The following ENPP3 variants were observed in gnomAD, a reference collection of about 807,000 sequenced individuals.
ENPP3 encodes the protein ectonucleotide pyrophosphatase/phosphodiesterase family member 3.
A neutral mutation model predicts 117.8 loss-of-function variants in ENPP3; 104 were observed. The observed-to-expected ratio is 0.88, with a 90% CI of 0.75 to 1.04. The LOEUF is 1.04. Among genes scored for constraint, ENPP3 ranks in the 50% least tolerant of loss-of-function variants. The pLI, the probability that ENPP3 is intolerant of heterozygous loss-of-function variation, is 0.00. For synonymous variants in ENPP3, 380 were observed against 349.9 expected (o/e 1.09, Z -0.96); for missense variants, 1,026 against 1,051.9 (o/e 0.98, Z 0.34).
At chr6:131,669,613 G>A (rs573801826) in intron 6 of ENPP3, among the ~76,000 whole-genome samples, 20 of 130,218 alleles carry the variant, frequency 1.5e-4, no homozygotes, top group Non-Finnish European at 2.9e-4. Context: ...CCGAGATCAC[G>A]CCACTGCACT....
rs183482252 is a variant in ENPP3 at position 131,731,007 on chromosome 6, C to T, written c.1954-2581C>T. Reference sequence around the variant, plus strand: ...TCCCATCTCTTTGTCTTTAATTCCACCTTTTGAGTCACGTCTGCAACTTCA... The same window carrying T: ...TCCCATCTCTTTGTCTTTAATTCCATCTTTTGAGTCACGTCTGCAACTTCA... On this transcript the variant is annotated intron_variant, in intron 20 of 24. Coordinates refer to ENST00000357639, the MANE Select transcript of ENPP3 (RefSeq NM_005021.5). Among the ~76,000 whole-genome samples, 140 of 151,950 alleles carry T rather than the reference C, an allele frequency of 9.2e-4. 1 individual carries two copies. Among genetic ancestry groups the T allele is most frequent in the Admixed American group, 7.9e-4 (12 of 15,270 alleles).
At chr6:131,719,291 G>A (rs1017137401) in intron 16 of ENPP3, among the ~76,000 whole-genome samples, 18 of 151,126 alleles carry the variant, frequency 1.2e-4, no homozygotes, top group Non-Finnish European at 2.2e-4. Flanking sequence ...GCCAAAATTG[G>A]GAGTGTGCCT....
intron 16 of ENPP3, among the ~76,000 whole-genome samples, chr6:131,719,113 G>A (rs1472221693): frequency 6.6e-6 from 1 of 152,050 alleles, no homozygotes; most frequent in Non-Finnish European, 1.5e-5. Flanking sequence ...GGAGAAATTG[G>A]GAGTATTTTG....
intron 24 of ENPP3, among the ~76,000 whole-genome samples, chr6:131,740,828 C>A (rs190343940): frequency 2.6e-5 from 4 of 152,104 alleles, no homozygotes; most frequent in Non-Finnish European, 5.9e-5. Flanking sequence ...CACTCAAAGT[C>A]CTCTCTTCTA....
At chr6:131,742,420 A>G (rs539992886) in intron 24 of ENPP3, among the ~76,000 whole-genome samples, 4 of 152,238 alleles carry the variant, frequency 2.6e-5, no homozygotes, top group Middle Eastern at 3.4e-3. Context: ...AATATTTGCT[A>G]TCCCTGGTCT....
chr6:131,711,224 C>T (rs1779783456), intron 15 of ENPP3, among the ~76,000 whole-genome samples: 1 of 152,142 alleles, frequency 6.6e-6, no homozygotes, highest in Non-Finnish European at 1.5e-5. Context: ...TCCCCTGGCC[C>T]TCTTGTTACA....
intron 15 of ENPP3, among the ~76,000 whole-genome samples, chr6:131,694,012 A>G (rs1361314228): frequency 6.6e-6 from 1 of 152,198 alleles, no homozygotes; most frequent in African/African-American, 2.4e-5. Context: ...GGTTTTTATA[A>G]AAGAGCACAT....
chr6:131,693,515 C>A lies in ENPP3; in HGVS notation c.1303C>A (p.His435Asn), dbSNP rs544240007. ...RNLSCRKPDQ[H>N]FKPYLTPDLP... The stretch of plus-strand genomic sequence containing the variant: ...TTTTCAGTGCCGAAAACCTGATCAG[C>A]ATTTCAAGCCCTATTTGACTCCTGA... The change falls in exon 15 of 25, where the codon CAT becomes AAT. Residue 435 changes from histidine (H) to asparagine (N), a missense_variant. Coordinates refer to ENST00000357639, the MANE Select transcript of ENPP3 (RefSeq NM_005021.5). 4 of 1,612,194 alleles carry A rather than the reference C, an allele frequency of 2.5e-6. No individual in the cohort carries two copies. In the East Asian group the frequency reaches 8.9e-5, roughly 36 times the overall value.
chr6:131,668,373 C>T (rs1778667456), intron 6 of ENPP3, among the ~76,000 whole-genome samples: 1 of 151,942 alleles, frequency 6.6e-6, no homozygotes, highest in Non-Finnish European at 1.5e-5. Context: ...CGCCACTGCA[C>T]TGGGCTAATT....
intron 6 of ENPP3, among the ~76,000 whole-genome samples, chr6:131,670,970 A>G (rs963637278): frequency 6.6e-6 from 1 of 152,112 alleles, no homozygotes; most frequent in Non-Finnish European, 1.5e-5. Context: ...GAGGTGTTTC[A>G]ACAAAGACCA....
At chr6:131,654,202 T>G (rs1427907613) in intron 5 of ENPP3, among the ~76,000 whole-genome samples, 1 of 151,862 alleles carries the variant, frequency 6.6e-6, no homozygotes, top group African/African-American at 2.4e-5. Context: ...GGCACGATCA[T>G]AGCTCACTGC....
intron 20 of ENPP3, among the ~76,000 whole-genome samples, chr6:131,727,509 C>T (rs995168582): frequency 7.0e-6 from 1 of 143,614 alleles, no homozygotes; most frequent in African/African-American, 2.6e-5. Flanking sequence ...GAGCCAAGAT[C>T]GCGCCATTAC....
rs1780149784 is a variant in ENPP3, at chr6:131,726,128, C to T, written c.1881C>T (p.His627=). 3 of 1,613,524 alleles carry T rather than the reference C, an allele frequency of 1.9e-6. No homozygotes were observed. The highest frequency in any genetic ancestry group is 2.5e-6 in the Non-Finnish European group (3 of 1,179,448). The change falls in exon 20 of 25, where the codon CAC becomes CAT. Residue 627 remains histidine, a synonymous_variant. Transcript: ENST00000357639. ...ACGTGGACCACTGTCTCCTTTACCA[C>T]AGGGAATATGTCAGTGGATTTGGAA... The part of the protein sequence containing the change: ...QKNVDHCLLY[H]REYVSGFGKA...
chr6:131,726,337 C>A, intron 20 of ENPP3, 137 bp downstream of exon 20: 1 of 675,094 alleles, frequency 1.5e-6, no homozygotes, highest in Non-Finnish European at 2.5e-6. Context: ...AGACAATGTG[C>A]AAGTATTAGA....
intron 24 of ENPP3, among the ~76,000 whole-genome samples, chr6:131,742,830 A>T (rs184518939): frequency 3.3e-5 from 5 of 152,206 alleles, no homozygotes; most frequent in Admixed American, 2.6e-4. Context: ...TAAAAATTCC[A>T]TCTGGGCGTC....
chr6:131,741,934 A>T (rs772168093), intron 24 of ENPP3, among the ~76,000 whole-genome samples: 1 of 152,176 alleles, frequency 6.6e-6, no homozygotes, highest in Non-Finnish European at 1.5e-5. Flanking sequence ...AGGTGCTCAC[A>T]ATTAGAAATC....
rs1778286452 is a variant in ENPP3, at chr6:131,652,580, A to T, written c.316A>T (p.Thr106Ser). Residue 106 changes from threonine (T) to serine (S), a missense_variant, in exon 4 of 25, where the codon ACC becomes TCC. Transcript: ENST00000357639. ...GTGCAATAAATTTCGTTGTGGAGAG[A>T]CCAGATTAGAGGCCAGCCTTTGCTC... Reference protein sequence around the residue: ...WMCNKFRCGETRLEASLCSCS... With the variant: ...WMCNKFRCGESRLEASLCSCS... The T allele has an allele frequency of 6.2e-7, 1 of 1,613,994 alleles. No homozygotes were observed. The highest frequency in any genetic ancestry group is 8.5e-7 in the Non-Finnish European group (1 of 1,179,884).
chr6:131,673,280 G>C (rs907202317), intron 7 of ENPP3, among the ~76,000 whole-genome samples: 2 of 152,034 alleles, frequency 1.3e-5, no homozygotes, highest in African/African-American at 2.4e-5. Context: ...GAAAATATTT[G>C]GGTGGAATCA....
At chr6:131,715,748 C>G (rs1250742523) in intron 15 of ENPP3, among the ~76,000 whole-genome samples, 4 of 152,226 alleles carry the variant, frequency 2.6e-5, no homozygotes, top group African/African-American at 9.6e-5. Flanking sequence ...CACGCCGAGG[C>G]ACGCCGCTGG....
Sources: gnomAD v4.1 joint callset for allele counts (sites outside exome capture counted in the v4.1 genomes callset) on GRCh38, gnomAD v4.1.1 for gene constraint, MANE v1.5 for transcripts, NCBI Gene and HGNC (gene_info 2026-07-23, HGNC 2026-07-21) for gene names.